GFOD2: variants seen among roughly 807,000 people sequenced by gnomAD.
GFOD2 encodes the protein Gfo/Idh/MocA-like oxidoreductase domain containing 2.
A neutral mutation model predicts 24.6 loss-of-function variants in GFOD2; 9 were observed. That is an observed-to-expected ratio of 0.37 (90% CI 0.22 to 0.64). The LOEUF (loss-of-function observed/expected upper bound fraction) is 0.64. Among genes scored for constraint, GFOD2 ranks in the 30% least tolerant of loss-of-function variants. The pLI, the probability that GFOD2 is intolerant of heterozygous loss-of-function variation, is 0.65. For synonymous variants in GFOD2, 211 were observed against 224.8 expected, an observed-to-expected ratio of 0.94 and a Z score of 0.55; for missense variants, 476 against 532.5, an observed-to-expected ratio of 0.89 and a Z score of 1.04.
chr16:67,689,306 TG>T, intron 1 of GFOD2, among the ~76,000 whole-genome samples: 1 of 151,312 alleles, frequency 6.6e-6, no homozygotes. Context: ...CCCAAAGTGC[TG>T]GGATTACAGG....
intron 1 of GFOD2, among the ~76,000 whole-genome samples, chr16:67,698,469 T>C (rs1041155592): frequency 4.6e-5 from 7 of 152,128 alleles, no homozygotes; most frequent in South Asian, 4.1e-4. Flanking sequence ...ATAAGAACCA[T>C]TGGATTTTTT....
intron 2 of GFOD2, among the ~76,000 whole-genome samples, chr16:67,678,803 T>C (rs1030370818): frequency 6.6e-6 from 1 of 152,178 alleles, no homozygotes; most frequent in Non-Finnish European, 1.5e-5. Context: ...CAGTACATTT[T>C]ATTACCATCG....
At chr16:67,715,107 A>T (rs1281188561) in intron 1 of GFOD2, among the ~76,000 whole-genome samples, 1 of 151,782 alleles carries the variant, frequency 6.6e-6, no homozygotes, top group African/African-American at 2.4e-5. Flanking sequence ...TGCCCAGGCT[A>T]GAGTGCAATG....
At chr16:67,703,920 A>C (rs1454676057) in intron 1 of GFOD2, among the ~76,000 whole-genome samples, 1 of 152,200 alleles carries the variant, frequency 6.6e-6, no homozygotes, top group Admixed American at 6.5e-5. Context: ...TAGGTACCTC[A>C]CATAAGTGGA....
At chr16:67,692,383 A>G (rs1180421787) in intron 1 of GFOD2, among the ~76,000 whole-genome samples, 2 of 152,050 alleles carry the variant, frequency 1.3e-5, no homozygotes, top group Non-Finnish European at 2.9e-5. Flanking sequence ...GTTCACGACC[A>G]GCCTGATCAA....
At chr16:67,702,330 C>G (rs993437647) in intron 1 of GFOD2, among the ~76,000 whole-genome samples, 31 of 151,916 alleles carry the variant, frequency 2.0e-4, no homozygotes, top group Non-Finnish European at 3.2e-4. Context: ...ACAAATTAGC[C>G]AGGCTTCAGG....
chr16:67,683,569 C>A lies in GFOD2; in HGVS notation c.259+1888G>T, dbSNP rs552362580. 3.6e-4 allele frequency: 445 copies of A among 1,231,758 alleles called. 9 individuals are homozygous for A. In the South Asian group the frequency reaches 0.016, roughly 44 times the overall value. The allele number at this position is 1,231,758 out of a possible 1,614,324, so 76.3% of individuals were successfully genotyped here. ...AATGAATAACTCCAATGTCACACAT[C>A]CTCAGAGAGAGCTCTCTGGAAGAAA... On this transcript the variant is annotated intron_variant, in intron 2 of 2. Transcript: ENST00000268797.
chr16:67,681,704 C>T, intron 2 of GFOD2: 4 of 985,162 alleles, frequency 4.1e-6, no homozygotes, highest in Non-Finnish European at 4.8e-6. Context: ...GCACTGAGCC[C>T]AACCCTGAAT....
chr16:67,700,329 C>T (rs188131983), intron 1 of GFOD2, among the ~76,000 whole-genome samples: 11 of 149,066 alleles, frequency 7.4e-5, no homozygotes, highest in East Asian at 6.0e-4. Context: ...GAGCTGAGAT[C>T]GTGCCACTGC....
intron 1 of GFOD2, among the ~76,000 whole-genome samples, chr16:67,712,326 C>T: frequency 7.5e-6 from 1 of 133,752 alleles, no homozygotes; most frequent in Admixed American, 7.8e-5. Flanking sequence ...CGGTCTCCCT[C>T]TGATGCCGAG....
rs1172033674 is a variant in GFOD2, at chr16:67,675,537, C to T, written c.776G>A (p.Arg259His). The change falls in exon 3 of 3, where the codon CGC becomes CAC. Residue 259 changes from arginine to histidine, a missense_variant. By Grantham distance (29) the Arg-to-His change is conservative. Coordinates refer to ENST00000268797, the MANE Select transcript of GFOD2 (RefSeq NM_030819.4). Reference protein sequence around the residue: ...HEVMVVGSAGRLVARGADLYG... With the variant: ...HEVMVVGSAGHLVARGADLYG... Reference sequence around the variant, plus strand: ...GAGGTCGGCTCCCCGGGCGACGAGGCGTCCTGCAGAGCCTACCACCATGAC... The same window carrying T: ...GAGGTCGGCTCCCCGGGCGACGAGGTGTCCTGCAGAGCCTACCACCATGAC... 11 of 1,612,954 alleles carry T rather than the reference C, an allele frequency of 6.8e-6. No individual in the cohort carries two copies. Among genetic ancestry groups the T allele is most frequent in the African/African-American group, 2.7e-5 (2 of 74,948 alleles).
At chr16:67,712,032 G>T (rs2053477922) in intron 1 of GFOD2, among the ~76,000 whole-genome samples, 1 of 152,050 alleles carries the variant, frequency 6.6e-6, no homozygotes, top group African/African-American at 2.4e-5. Context: ...TTTTTTGTCT[G>T]TTTTGTTCAT....
intron 2 of GFOD2, chr16:67,683,686 C>T (rs2053244592): frequency 1.6e-6 from 2 of 1,231,102 alleles, no homozygotes; most frequent in Non-Finnish European, 2.0e-6. Flanking sequence ...TCCTTCCCTA[C>T]CCACTGAGCC....
chr16:67,679,806 G>A (rs2053210787), intron 2 of GFOD2, among the ~76,000 whole-genome samples: 1 of 151,774 alleles, frequency 6.6e-6, no homozygotes, highest in Non-Finnish European at 1.5e-5. Context: ...AGAATTGCTT[G>A]AACCCCGGAG....
At chr16:67,691,513 C>CCT (rs2053313648) in intron 1 of GFOD2, among the ~76,000 whole-genome samples, 1 of 148,050 alleles carries the variant, frequency 6.8e-6, no homozygotes, top group African/African-American at 2.6e-5. Flanking sequence ...CCTAGACCCC[C>CCT]CCCCAAAAAA....
chr16:67,716,954 T>C (rs2053510997), intron 1 of GFOD2, among the ~76,000 whole-genome samples: 1 of 152,204 alleles, frequency 6.6e-6, no homozygotes, highest in Admixed American at 6.5e-5. Context: ...TGGAGTGCAA[T>C]GGCGCGATCT....
chr16:67,719,038 C>G (rs537744366), intron 1 of GFOD2, 125 bp downstream of exon 1: 1 of 152,300 alleles, frequency 6.6e-6, no homozygotes, highest in Non-Finnish European at 1.5e-5. Context: ...CCCTCCAACC[C>G]CGGCTCTGCG....
At chr16:67,710,668 C>G (rs1355624704) in intron 1 of GFOD2, among the ~76,000 whole-genome samples, 1 of 152,120 alleles carries the variant, frequency 6.6e-6, no homozygotes, top group Non-Finnish European at 1.5e-5. Flanking sequence ...GGCCAGTTAG[C>G]CTTATTTTTA....
In GFOD2 at chr16:67,675,306, G is replaced by A; in HGVS notation, c.1007C>T (p.Ala336Val). 2 of 1,612,976 alleles carry A rather than the reference G, an allele frequency of 1.2e-6. No homozygotes were observed. Among genetic ancestry groups the A allele is most frequent in the Non-Finnish European group, 1.7e-6 (2 of 1,180,036 alleles). Reference sequence around the variant, plus strand: ...CATGTACAGCCCATCCTCGAAGGAGGCGGCCATGGAGACAGGGGTGCGGTC... The same window carrying A: ...CATGTACAGCCCATCCTCGAAGGAGACGGCCATGGAGACAGGGGTGCGGTC... ...TWDRTPVSMA[A>V]SFEDGLYMQS... Residue 336 changes from alanine (A) to valine (V), a missense_variant, in exon 3 of 3, where the codon GCC (alanine) becomes GTC (valine). Ala to Val is a moderately conservative substitution (Grantham distance 64). Coordinates refer to ENST00000268797, the MANE Select transcript of GFOD2 (RefSeq NM_030819.4).
Sources: allele counts gnomAD v4.1 joint callset (sites outside exome capture counted in the v4.1 genomes callset), GRCh38; gene constraint gnomAD v4.1.1; transcripts MANE v1.5; gene names NCBI Gene and HGNC (gene_info 2026-07-23, HGNC 2026-07-21).